Variants in STOML2 observed in about 807,000 individuals in gnomAD.
STOML2 encodes stomatin like 2.
STOML2 carries 22 observed loss-of-function variants against 45.7 expected under a neutral mutation model. The ratio of observed to expected loss-of-function variants is 0.48; its 90% confidence interval spans 0.34 to 0.69. STOML2 has a LOEUF of 0.69. STOML2 is among the 30% of genes least tolerant of loss of function. The pLI is 0.01. For missense variants in STOML2, 359 were observed against 466.9 expected, an observed-to-expected ratio of 0.77 and a Z score of 2.13; for synonymous variants, 181 against 182.7, an observed-to-expected ratio of 0.99 and a Z score of 0.08.
Position 35,102,649 on chromosome 9 carries a change from T to C in STOML2, c.183+37A>G. On this transcript the variant is annotated intron_variant, in intron 2 of 9. Transcript: ENST00000356493. This position sits in a 1 kb window ranked among gnomAD's most constrained non-coding sequence, Gnocchi z 4.8. ...ATTGCATGTCGTGAGGGATTGGTCA[T>C]CTGGCTGGCCCAGGGTGGGCAGAAG... 6.2e-7 allele frequency: 1 copy of C among 1,607,924 alleles called. No individual in the cohort carries two copies. Among genetic ancestry groups the C allele is most frequent in the South Asian group, 1.1e-5 (1 of 90,644 alleles).
In STOML2 at chr9:35,102,708, C is replaced by A; in HGVS notation, c.161G>T (p.Arg54Leu). 6.2e-7 allele frequency: 1 copy of A among 1,613,046 alleles called. No individual in the cohort carries two copies. Among genetic ancestry groups the A allele is most frequent in the Non-Finnish European group, 8.5e-7 (1 of 1,180,024 alleles). ...CACAGGCTCCAGGATCCGGTGGAAT[C>A]GGCCCATTCGCTCCACCACCCAGGC... ...QEAWVVERMG[R>L]FHRILEPGLN... The change falls in exon 2 of 10, where the codon CGA becomes CTA. Residue 54 changes from arginine to leucine, a missense_variant. Around this residue, in one of 2 missense-constraint regions of STOML2, gnomAD observed 285 missense variants for 422.0 expected, o/e 0.68. Coordinates refer to ENST00000356493, the MANE Select transcript of STOML2 (RefSeq NM_013442.3). The surrounding 1 kb of genome is among the most constrained non-coding windows in gnomAD (Gnocchi z 4.8).
chr9:35,102,786 G>T lies in STOML2; in HGVS notation c.83C>A (p.Ala28Asp). 6.2e-7 allele frequency: 1 copy of T among 1,614,068 alleles called. No homozygotes were observed. The highest frequency in any genetic ancestry group is 1.3e-5 in the African/African-American group (1 of 75,062). The change falls in exon 2 of 10, where the codon GCC becomes GAC. Residue 28 changes from alanine (A) to aspartate (D), a missense_variant. Physicochemically the swap from Ala to Asp is moderately radical, Grantham distance 126 (BLOSUM62 -2). This residue lies in a region of STOML2 where 74 missense variants were observed against 45.0 expected (regional missense o/e 1.65). Transcript: ENST00000356493. The surrounding 1 kb of genome is among the most constrained non-coding windows in gnomAD (Gnocchi z 4.8). Reference sequence around the variant, plus strand: ...GGTGTTTCGGGGCAATCCAGAGGAGGCGCGGCGCGGAGCGCGGCCAGAAGC... The same window carrying T: ...GGTGTTTCGGGGCAATCCAGAGGAGTCGCGGCGCGGAGCGCGGCCAGAAGC... ...LLASGRAPRR[A>D]SSGLPRNTVV...
In STOML2 at chr9:35,102,503, T is replaced by A. The variant is rs1829841597; in HGVS notation, c.183+183A>T. On this transcript the variant is annotated intron_variant, in intron 2 of 9. Transcript: ENST00000356493. The surrounding 1 kb of genome is among the most constrained non-coding windows in gnomAD (Gnocchi z 4.8). ...GGGAGATTCCCAAGAATGGGGCCTG[T>A]GAGATGCATAGGAAAAGGTGGTAAC... 3 of 993,836 alleles carry A rather than the reference T, an allele frequency of 3.0e-6. No individual in the cohort carries two copies. The South Asian group carries it at 4.8e-5, about 16-fold the overall frequency. 61.6% of individuals were successfully genotyped at this position (993,836 alleles called of 1,614,324 possible). A position where few individuals can be genotyped will look rare whatever the true frequency, so the allele number is the denominator to read the frequency against.
upstream of STOML2, chr9:35,103,181 T>G (rs1408382598): frequency 1.3e-6 from 2 of 1,524,780 alleles, no homozygotes; most frequent in Admixed American, 3.7e-5. Flanking sequence ...CCTCTTGCAG[T>G]TCCGCTCCCC....
rs1332061709 is a variant in STOML2, at chr9:35,101,556, C to T, written c.449G>A (p.Arg150Gln). Residue 150 changes from arginine (R) to glutamine (Q), a missense_variant, in exon 6 of 10, where the codon CGG becomes CAG. Coordinates refer to ENST00000356493, the MANE Select transcript of STOML2 (RefSeq NM_013442.3). This position sits in a 1 kb window ranked among gnomAD's most constrained non-coding sequence, Gnocchi z 4.3. ...CACAATGCTGGCATTCAGGGACTCC[C>T]GTTCCTGGAAAAAGAGGTGTAAGCC... ...KLSLDKVFRERESLNASIVDA... is the reference protein window; with the variant it reads ...KLSLDKVFREQESLNASIVDA... 5 of 1,614,066 alleles carry T rather than the reference C, an allele frequency of 3.1e-6. No homozygotes were observed. The highest frequency in any genetic ancestry group is 2.2e-5 in the South Asian group (2 of 91,080).
At position 35,101,322 on chromosome 9, in the gene STOML2, T is replaced by G; in HGVS notation, c.580-43A>C. The G allele has an allele frequency of 1.2e-6, 2 of 1,613,754 alleles. No individual in the cohort carries two copies. The highest frequency in any genetic ancestry group is 1.3e-5 in the African/African-American group (1 of 74,994). On this transcript the variant is annotated intron_variant, in intron 6 of 9. Coordinates refer to ENST00000356493, the MANE Select transcript of STOML2 (RefSeq NM_013442.3). This position sits in a 1 kb window ranked among gnomAD's most constrained non-coding sequence, Gnocchi z 4.3. ...TCCCAATCAACAAGCCAAGGGAGAC[T>G]GATACAGACATGCAACTCTACCCAT...
rs1299704613 is a variant in STOML2, at chr9:35,100,322, T to C, written c.934-150A>G. ...CAAACCTGTCTTGTAAGCTCTGGAG[T>C]TGATTTTAGGAATCTTGCAAACCAT... On this transcript the variant is annotated intron_variant, in intron 9 of 9. Transcript: ENST00000356493. 5.4e-6 allele frequency: 6 copies of C among 1,109,898 alleles called. No individual in the cohort carries two copies. In the Admixed American group the frequency reaches 1.1e-4, roughly 20 times the overall value. The allele number at this position is 1,109,898 out of a possible 1,614,324, so 68.8% of individuals were successfully genotyped here.
chr9:35,103,153 A>G, upstream of STOML2: 4 of 1,600,460 alleles, frequency 2.5e-6, no homozygotes, highest in South Asian at 4.4e-5. Context: ...TCGCTCCCAG[A>G]AGCCTACCCG....
Position 35,102,918 on chromosome 9 carries a change from T to A in STOML2, c.46-95A>T. The A allele has an allele frequency of 8.3e-6, 13 of 1,573,780 alleles. No individual in the cohort carries two copies. Among genetic ancestry groups the A allele is most frequent in the Non-Finnish European group, 1.0e-5 (12 of 1,157,534 alleles). On this transcript the variant is annotated intron_variant, in intron 1 of 9. Coordinates refer to ENST00000356493, the MANE Select transcript of STOML2 (RefSeq NM_013442.3). The surrounding 1 kb of genome is among the most constrained non-coding windows in gnomAD (Gnocchi z 4.8). ...TCTCCATAAACCACGACCCTCAGGA[T>A]CCTCGGAGAATCACATGGGGACCAT...
rs773884667 is a variant in STOML2, at chr9:35,101,985, G to A, written c.284-23C>T. ...TGTCTGTAGAACCAGGAGAGAAAACGGGGAAAGTCAGGCCTCTAGGTCCCA... is the reference window on the plus strand; with the variant it reads ...TGTCTGTAGAACCAGGAGAGAAAACAGGGAAAGTCAGGCCTCTAGGTCCCA... On this transcript the variant is annotated intron_variant, in intron 3 of 9. Coordinates refer to ENST00000356493, the MANE Select transcript of STOML2 (RefSeq NM_013442.3). The surrounding 1 kb of genome is among the most constrained non-coding windows in gnomAD (Gnocchi z 4.3). 48 of 1,613,964 alleles carry A rather than the reference G, an allele frequency of 3.0e-5. No homozygotes were observed. Among genetic ancestry groups the A allele is most frequent in the Admixed American group, 5.0e-5 (3 of 59,994 alleles).
upstream of STOML2, chr9:35,103,165 G>T: frequency 1.3e-6 from 2 of 1,583,650 alleles, no homozygotes; most frequent in South Asian, 1.1e-5. Flanking sequence ...GCCTACCCGA[G>T]CCTTTCCTCT....
Position 35,101,891 on chromosome 9 carries a change from A to AG in STOML2, c.342+12dup. On this transcript the variant is annotated intron_variant, in intron 4 of 9. Transcript: ENST00000356493. The surrounding 1 kb of genome is among the most constrained non-coding windows in gnomAD (Gnocchi z 4.3). The stretch of plus-strand genomic sequence containing the variant: ...GGCAACTCAAAAGGCTGGATAAAGT[A>AG]GGGGACAGGTACCTTGTAAGGGTCC... 1 of 1,614,198 alleles carries AG rather than the reference A, an allele frequency of 6.2e-7. No homozygotes were observed. The highest frequency in any genetic ancestry group is 8.5e-7 in the Non-Finnish European group (1 of 1,180,038).
In STOML2 at chr9:35,100,027, C is replaced by G. The variant is rs770971704; in HGVS notation, c.*8G>C. 6.2e-7 allele frequency: 1 copy of G among 1,613,262 alleles called. No homozygotes were observed. The highest frequency in any genetic ancestry group is 1.1e-5 in the South Asian group (1 of 91,054). On this transcript the variant is annotated 3_prime_UTR_variant, in exon 10 of 10. Transcript: ENST00000356493. ...TGTTCCCAGACTCCCTGGCCAAGCC[C>G]AGCTCCACTAACTCATCTTGACTCG... is the stretch of plus-strand genomic sequence containing the variant.
Position 35,101,365 on chromosome 9 carries a change from C to T in STOML2, c.579+61G>A, listed in dbSNP as rs1181183053. ...CTACCCATCATAACAGGAGGGAAGT[C>T]TGGATCCTCCTGGTACTGGAGCACC... On this transcript the variant is annotated intron_variant, in intron 6 of 9. Coordinates refer to ENST00000356493, the MANE Select transcript of STOML2 (RefSeq NM_013442.3). This position sits in a 1 kb window ranked among gnomAD's most constrained non-coding sequence, Gnocchi z 4.3. The T allele has an allele frequency of 2.5e-6, 4 of 1,595,324 alleles. No homozygotes were observed. The African/African-American group carries it at 5.6e-5, about 22-fold the overall frequency.
At position 35,102,109 on chromosome 9, in the gene STOML2, G is replaced by C. The variant is rs374236012; in HGVS notation, c.269C>G (p.Ser90Trp). The change falls in exon 3 of 10, where the codon TCG becomes TGG. Residue 90 changes from serine (S) to tryptophan (W), a missense_variant. This residue lies in a region of STOML2 where 285 missense variants were observed against 422.0 expected (regional missense o/e 0.68). Transcript: ENST00000356493. The surrounding 1 kb of genome is among the most constrained non-coding windows in gnomAD (Gnocchi z 4.8). ...KEIVINVPEQ[S>W]AVTLDNVTLQ... ...GAACCCCTCACCGAGAGTCACAGCC[G>C]ACTGCTCAGGCACGTTGATGACAAT... is the stretch of plus-strand genomic sequence containing the variant. The C allele has an allele frequency of 1.9e-6, 3 of 1,613,846 alleles. No homozygotes were observed. The highest frequency in any genetic ancestry group is 2.2e-5 in the South Asian group (2 of 91,036).
chr9:35,100,464 C>G, intron 9 of STOML2, 134 bp downstream of exon 9: 2 of 1,247,274 alleles, frequency 1.6e-6, no homozygotes, highest in South Asian at 2.8e-5. Flanking sequence ...TCCATCTCTA[C>G]AAAGAATGAA....
At position 35,100,698 on chromosome 9, in the gene STOML2, ACAGT is replaced by A; in HGVS notation, c.829_832del (p.Thr277TrpfsTer78). ...GAACGCGCTGACATACTGCTCGGCC[ACAGT>A]CAGTGAAGCTGCTGCATCTCCATTC... On this transcript the variant is annotated frameshift_variant, in exon 9 of 10. Coordinates refer to ENST00000356493, the MANE Select transcript of STOML2 (RefSeq NM_013442.3). LOFTEE classifies it high-confidence loss of function. 6.2e-7 allele frequency: 1 copy of A among 1,614,194 alleles called. No individual in the cohort carries two copies. Among genetic ancestry groups the A allele is most frequent in the South Asian group, 1.1e-5 (1 of 91,084 alleles).
Position 35,101,866 on chromosome 9 carries a change from G to A in STOML2, c.342+38C>T. Reference sequence around the variant, plus strand: ...TTGGGCACAAGATTTTAGTGAAGAGGGCAACTCAAAAGGCTGGATAAAGTA... The same window carrying A: ...TTGGGCACAAGATTTTAGTGAAGAGAGCAACTCAAAAGGCTGGATAAAGTA... On this transcript the variant is annotated intron_variant, in intron 4 of 9. Transcript: ENST00000356493. This position sits in a 1 kb window ranked among gnomAD's most constrained non-coding sequence, Gnocchi z 4.3. The A allele has an allele frequency of 2.5e-6, 4 of 1,614,040 alleles. No homozygotes were observed. Among genetic ancestry groups the A allele is most frequent in the Non-Finnish European group, 3.4e-6 (4 of 1,179,960 alleles).
intron 9 of STOML2, 43 bp from the exon 10 acceptor site, chr9:35,100,215 G>A (rs765622229): frequency 1.0e-5 from 16 of 1,606,580 alleles, no homozygotes; most frequent in Non-Finnish European, 1.4e-5. Flanking sequence ...ACACTTGACA[G>A]AGGTGCAGCC....
Sources: gnomAD v4.1 joint callset for allele counts on GRCh38, gnomAD v4.1.1 for gene constraint, gnomAD v4.1.1 regional missense constraint, Gnocchi (gnomAD v3.1) non-coding constraint, MANE v1.5 for transcripts, NCBI Gene and HGNC (gene_info 2026-07-23, HGNC 2026-07-21) for gene names.